The following CYP2E1 variants were observed in gnomAD, a reference collection of about 807,000 sequenced individuals.
CYP2E1 encodes cytochrome P450 2E1.
CYP2E1 carries 31 observed loss-of-function variants against 42.9 expected under a neutral mutation model. The observed-to-expected ratio is 0.72, with a 90% CI of 0.54 to 0.98. The LOEUF (loss-of-function observed/expected upper bound fraction) is 0.98. Among genes scored for constraint, CYP2E1 ranks in the 50% least tolerant of loss-of-function variants. CYP2E1 has a pLI of 0.00. For synonymous variants in CYP2E1, 244 were observed against 248.9 expected (o/e 0.98, Z 0.19); for missense variants, 565 against 633.2 (o/e 0.89, Z 1.16).
chr10:133,531,439 C>A, intron 2 of CYP2E1, 146 bp from the exon 3 acceptor site: 1 of 968,480 alleles, frequency 1.0e-6, no homozygotes, highest in South Asian at 1.5e-5. Context: ...CAGGCTGGGA[C>A]ACCCCTCTGT....
intron 4 of CYP2E1, 86 bp downstream of exon 4, chr10:133,532,370 C>T (rs1389742834): frequency 7.6e-7 from 1 of 1,309,058 alleles, no homozygotes; most frequent in Admixed American, 2.0e-5. Context: ...ATGTGATAGA[C>T]AGGACTGCAA....
intron 2 of CYP2E1, 120 bp from the exon 3 acceptor site, chr10:133,531,465 C>A: frequency 8.5e-7 from 1 of 1,175,356 alleles, no homozygotes. Context: ...TGTCCCTCTG[C>A]CCCCTCTGTC....
chr10:133,538,914 T>C lies in CYP2E1; in HGVS notation c.1432T>C (p.Phe478Leu). Residue 478 changes from phenylalanine (F) to leucine (L), a missense_variant, in exon 9 of 9, where the codon TTT (phenylalanine) becomes CTT (leucine). Transcript: ENST00000252945. ...DIDLSPIHIG[F>L]GCIPPRYKLC... Reference sequence around the variant, plus strand: ...CGACCTCAGCCCTATACATATTGGGTTTGGCTGTATCCCACCACGTTACAA... The same window carrying C: ...CGACCTCAGCCCTATACATATTGGGCTTGGCTGTATCCCACCACGTTACAA... The C allele has an allele frequency of 6.2e-7, 1 of 1,614,058 alleles. No individual in the cohort carries two copies.
At chr10:133,538,038 A>T in intron 8 of CYP2E1, 146 bp downstream of exon 8, 1 of 703,464 alleles carries the variant, frequency 1.4e-6, no homozygotes, top group Non-Finnish European at 2.3e-6. Context: ...AACATGACCC[A>T]AATGTGCTCT....
chr10:133,532,282 C>A lies in CYP2E1; in HGVS notation c.646C>A (p.Gln216Lys), dbSNP rs1194608147. 1 of 1,610,174 alleles carries A rather than the reference C, an allele frequency of 6.2e-7. No individual in the cohort carries two copies. The highest frequency in any genetic ancestry group is 8.5e-7 in the Non-Finnish European group (1 of 1,176,914). The change falls in exon 4 of 9, where the codon CAG becomes AAG. Residue 216 changes from glutamine (Q) to lysine (K), a missense_variant and splice_region_variant. By Grantham distance (53) the Gln-to-Lys change is moderately conservative. Coordinates refer to ENST00000252945, the MANE Select transcript of CYP2E1 (RefSeq NM_000773.4). ...NFHLLSTPWL[Q>K]LYNNFPSFLH... is the part of the protein sequence containing the mutation. ...CCACCTACTCAGCACTCCCTGGCTC[C>A]AGGTGAAGCCACTTTCCTCTTTCAT...
chr10:133,531,119 G>A (rs950173589), intron 2 of CYP2E1, among the ~76,000 whole-genome samples: 3 of 152,152 alleles, frequency 2.0e-5, no homozygotes, highest in African/African-American at 7.2e-5. Context: ...TTGCTGTGGA[G>A]TCGGAAAGCT....
intron 4 of CYP2E1, 25 bp downstream of exon 4, chr10:133,532,309 A>G (rs1397611457): frequency 1.9e-6 from 3 of 1,604,162 alleles, no homozygotes; most frequent in East Asian, 2.2e-5. Context: ...CTCTTTCATC[A>G]GTCATCAACT....
chr10:133,534,101 A>G (rs1375758907), intron 6 of CYP2E1, among the ~76,000 whole-genome samples: 3 of 152,190 alleles, frequency 2.0e-5, no homozygotes, highest in Admixed American at 6.5e-5. Context: ...TGGTTGGTCC[A>G]TACCCCACTA....
intron 2 of CYP2E1, among the ~76,000 whole-genome samples, chr10:133,530,523 C>T (rs1387152559): frequency 2.6e-5 from 4 of 152,176 alleles, no homozygotes; most frequent in Non-Finnish European, 5.9e-5. Context: ...TCAGGCCGGA[C>T]AGCCTTGCTT....
chr10:133,533,424 A>G (rs970655389), intron 5 of CYP2E1, among the ~76,000 whole-genome samples: 3 of 152,220 alleles, frequency 2.0e-5, no homozygotes, highest in Admixed American at 2.0e-4. Flanking sequence ...GGCAGCAGAC[A>G]CTAGCCCTGT....
In CYP2E1 at chr10:133,531,932, C is replaced by T. The variant is rs28969386; in HGVS notation, c.488-192C>T. ...AGGGAGCAAGGGTGGCCATTAAACA[C>T]GTGACTTGTATCCTAAATACTGTTG... On this transcript the variant is annotated intron_variant, in intron 3 of 8. Coordinates refer to ENST00000252945, the MANE Select transcript of CYP2E1 (RefSeq NM_000773.4). The T allele has an allele frequency of 4.0e-3, 2,941 of 740,116 alleles. 81 individuals carry two copies. In the African/African-American group the frequency reaches 0.046, roughly 12 times the overall value. The allele number at this position is 740,116 out of a possible 1,614,324, so 45.8% of individuals were successfully genotyped here. A position where few individuals can be genotyped will look rare whatever the true frequency, so the allele number is the denominator to read the frequency against.
At chr10:133,538,489 C>T (rs762217876) in intron 8 of CYP2E1, among the ~76,000 whole-genome samples, 1 of 152,162 alleles carries the variant, frequency 6.6e-6, no homozygotes, top group Non-Finnish European at 1.5e-5. Flanking sequence ...ACTGGGGGTG[C>T]CTTCTTTACT....
rs1385845866 is a variant in CYP2E1 at position 133,533,850 on chromosome 10, C to T, written c.920C>T (p.Thr307Ile). The change falls in exon 6 of 9, where the codon ACT (threonine) becomes ATT (isoleucine). Residue 307 changes from threonine to isoleucine, a missense_variant. Physicochemically the swap from Thr to Ile is moderately conservative, Grantham distance 89. Coordinates refer to ENST00000252945, the MANE Select transcript of CYP2E1 (RefSeq NM_000773.4). Reference protein sequence around the residue: ...FFAGTETTSTTLRYGLLILMK... With the variant: ...FFAGTETTSTILRYGLLILMK... ...GCGGGGACAGAGACCACCAGCACAA[C>T]TCTGAGATATGGGCTCCTGATTCTC... The T allele has an allele frequency of 5.6e-6, 9 of 1,614,148 alleles. No homozygotes were observed. Among genetic ancestry groups the T allele is most frequent in the Non-Finnish European group, 6.8e-6 (8 of 1,179,998 alleles).
In CYP2E1 at chr10:133,532,190, T is replaced by C; in HGVS notation, c.554T>C (p.Phe185Ser). ...TGCAACGTCATAGCCGACATCCTCT[T>C]CCGCAAGCATTTTGACTACAATGAT... The part of the protein sequence containing the change: ...APCNVIADIL[F>S]RKHFDYNDEK... The change falls in exon 4 of 9, where the codon TTC becomes TCC. Residue 185 changes from phenylalanine (F) to serine (S), a missense_variant. By Grantham distance (155) the Phe-to-Ser change is radical. Transcript: ENST00000252945. 6.2e-7 allele frequency: 1 copy of C among 1,614,002 alleles called. No individual in the cohort carries two copies.
At chr10:133,532,434 TC>T in intron 4 of CYP2E1, 150 bp downstream of exon 4, 1 of 841,100 alleles carries the variant, frequency 1.2e-6, no homozygotes, top group Non-Finnish European at 1.8e-6. Flanking sequence ...CAAATATTCC[TC>T]CCAGAGACAT....
Position 133,527,437 on chromosome 10 carries a change from G to A in CYP2E1, c.42G>A (p.Ala14=), listed in dbSNP as rs375169910. 13 of 1,613,120 alleles carry A rather than the reference G, an allele frequency of 8.1e-6. No individual in the cohort carries two copies. In the African/African-American group the frequency reaches 1.5e-4, roughly 18 times the overall value. The change falls in exon 1 of 9, where the codon GCG becomes GCA. Residue 14 remains alanine, a synonymous_variant. Transcript: ENST00000252945. ...TCACCGTGGCCCTGCTGGTGTGGGCGGCCTTCCTCCTGCTGGTGTCCATGT... is the reference window on the plus strand; with the variant it reads ...TCACCGTGGCCCTGCTGGTGTGGGCAGCCTTCCTCCTGCTGGTGTCCATGT... ...LGVTVALLVW[A]AFLLLVSMWR...
intron 7 of CYP2E1, 27 bp from the exon 8 acceptor site, chr10:133,537,724 C>T: frequency 6.2e-7 from 1 of 1,600,142 alleles, no homozygotes; most frequent in Non-Finnish European, 8.5e-7. Flanking sequence ...TAACATGACT[C>T]ACTGAGACAG....
At chr10:133,537,291 C>T in intron 7 of CYP2E1, 41 bp downstream of exon 7, 1 of 1,588,356 alleles carries the variant, frequency 6.3e-7, no homozygotes, top group Non-Finnish European at 8.6e-7. Flanking sequence ...GAACACCATC[C>T]TATCAGCTAA....
intron 7 of CYP2E1, 198 bp downstream of exon 7, chr10:133,537,448 G>C (rs1055716916): frequency 1.6e-6 from 1 of 623,330 alleles, no homozygotes; most frequent in Non-Finnish European, 2.8e-6. Flanking sequence ...CAGAGAGGTG[G>C]AGGAAATCTG....
Sources: gnomAD v4.1 joint callset for allele counts (sites outside exome capture counted in the v4.1 genomes callset) on GRCh38, gnomAD v4.1.1 for gene constraint, MANE v1.5 for transcripts, NCBI Gene and HGNC (gene_info 2026-07-23, HGNC 2026-07-21) for gene names.